The following TRAPPC9 variants were observed in gnomAD, a reference collection of about 807,000 sequenced individuals.
The protein encoded by TRAPPC9 is IKK2 binding protein.
TRAPPC9 carries 83 observed loss-of-function variants against 124.0 expected under a neutral mutation model. That is an observed-to-expected ratio of 0.67 (90% confidence interval 0.56 to 0.80). TRAPPC9 has a LOEUF of 0.80. TRAPPC9 is among the 30% of genes least tolerant of loss of function. The pLI is 0.00. For missense variants in TRAPPC9, 1,302 were observed against 1,508.3 expected (o/e 0.86, Z 2.27); for synonymous variants, 638 against 617.5 (o/e 1.03, Z -0.49).
intron 11 of TRAPPC9, among the ~76,000 whole-genome samples, chr8:140,292,857 T>A (rs2065700074): frequency 2.1e-5 from 3 of 143,628 alleles, no homozygotes; most frequent in African/African-American, 5.4e-5. Context: ...AAGACAAAAT[T>A]GACAAATGGG....
At chr8:139,764,906 C>T (rs1820487451) in intron 21 of TRAPPC9, among the ~76,000 whole-genome samples, 1 of 152,206 alleles carries the variant, frequency 6.6e-6, no homozygotes, top group Non-Finnish European at 1.5e-5. Flanking sequence ...GTTCTCGTCC[C>T]AGAACCGCAC....
intron 21 of TRAPPC9, among the ~76,000 whole-genome samples, chr8:139,790,697 G>T (rs80275972): frequency 1.3e-5 from 2 of 152,298 alleles, no homozygotes; most frequent in Non-Finnish European, 2.9e-5. Flanking sequence ...GGCACAGGAT[G>T]ATGGGCCCCA....
chr8:140,150,725 G>A (rs983513369), intron 17 of TRAPPC9, among the ~76,000 whole-genome samples: 1 of 152,182 alleles, frequency 6.6e-6, no homozygotes, highest in Non-Finnish European at 1.5e-5. Flanking sequence ...GGGAGAAGAT[G>A]AACCTAGGAA....
At chr8:140,430,424 G>C (rs2070597549) in intron 4 of TRAPPC9, among the ~76,000 whole-genome samples, 1 of 152,130 alleles carries the variant, frequency 6.6e-6, no homozygotes, top group Non-Finnish European at 1.5e-5. Context: ...TGTAAGATGA[G>C]TTTGGGAGAC....
At chr8:139,892,250 T>C (rs1830400143) in intron 20 of TRAPPC9, among the ~76,000 whole-genome samples, 1 of 152,104 alleles carries the variant, frequency 6.6e-6, no homozygotes, top group Admixed American at 6.5e-5. Context: ...TCTCTCCCCA[T>C]GTAGTACCCA....
chr8:140,149,178 CCATTG>C (rs2061504319), intron 17 of TRAPPC9, among the ~76,000 whole-genome samples: 1 of 152,178 alleles, frequency 6.6e-6, no homozygotes, highest in African/African-American at 2.4e-5. Context: ...TGATCTCGTT[CCATTG>C]CTCTGGTCTA....
chr8:140,188,969 T>C (rs60780874), intron 17 of TRAPPC9, among the ~76,000 whole-genome samples: 13,030 of 148,496 alleles, frequency 0.088, 1,415 homozygotes, highest in African/African-American at 0.26. Flanking sequence ...CCTCCTCCCG[T>C]TGTTTCTAAC....
At chr8:139,868,538 C>T (rs1216911110) in intron 21 of TRAPPC9, among the ~76,000 whole-genome samples, 1 of 152,152 alleles carries the variant, frequency 6.6e-6, no homozygotes, top group Admixed American at 6.5e-5. Context: ...AGGCCACTAG[C>T]TCATCATTAT....
At chr8:140,450,024 TAA>T (rs1186196374) in intron 2 of TRAPPC9, among the ~76,000 whole-genome samples, 1 of 152,232 alleles carries the variant, frequency 6.6e-6, no homozygotes, top group Non-Finnish European at 1.5e-5. Context: ...CTAAGATATG[TAA>T]AATACTATCA....
intron 12 of TRAPPC9, 62 bp from the exon 13 acceptor site, chr8:140,287,796 A>T: frequency 6.2e-7 from 1 of 1,610,754 alleles, no homozygotes; most frequent in Middle Eastern, 1.7e-4. Context: ...CTCAGTTCCA[A>T]ATGAGCCTTA....
intron 5 of TRAPPC9, among the ~76,000 whole-genome samples, chr8:140,419,623 C>T (rs929667530): frequency 3.3e-5 from 5 of 151,732 alleles, no homozygotes; most frequent in African/African-American, 4.8e-5. Context: ...CGGTGGCTCA[C>T]GCTTGTAATT....
intron 4 of TRAPPC9, among the ~76,000 whole-genome samples, chr8:140,428,574 C>A (rs550137403): frequency 6.6e-6 from 1 of 152,246 alleles, no homozygotes; most frequent in South Asian, 2.1e-4. Flanking sequence ...ATCACCCCTG[C>A]CTGTAAAATG....
intron 18 of TRAPPC9, among the ~76,000 whole-genome samples, chr8:140,018,324 A>ATTTTTTCTTTTTTCTTTTTT (rs765656679): frequency 3.8e-4 from 46 of 119,774 alleles, no homozygotes; most frequent in African/African-American, 1.3e-3. Context: ...AACGTAAGTG[A>ATTTTTTCTTTTTTCTTTTTT]TTTTTTTTTT....
Position 140,287,749 on chromosome 8 carries a change from G to A in TRAPPC9, c.1855-15C>T, listed in dbSNP as rs755804554. 7.9e-5 allele frequency: 128 copies of A among 1,613,910 alleles called. No homozygotes were observed. The highest frequency in any genetic ancestry group is 1.2e-4 in the African/African-American group (9 of 74,924). On this transcript the variant is annotated splice_polypyrimidine_tract_variant and intron_variant, in intron 12 of 22. Coordinates refer to ENST00000438773, the MANE Select transcript of TRAPPC9 (RefSeq NM_001160372.4). ...GTGAGCAGCCCCTAAACCAAGCGAC[G>A]CAGCATCGTAAGCCCGGAGCAAACC...
chr8:140,182,651 T>C lies in TRAPPC9; in HGVS notation c.2556+38808A>G, dbSNP rs2062229692. On this transcript the variant is annotated intron_variant, in intron 17 of 22. Coordinates refer to ENST00000438773, the MANE Select transcript of TRAPPC9 (RefSeq NM_001160372.4). This position sits in a 1 kb window ranked among gnomAD's most constrained non-coding sequence, Gnocchi z 4.0. ...CATTTCATTCTCCAATAAAGAATAT[T>C]AGGAGCTGGCAGAACAAATCTTTGT... Among the ~76,000 whole-genome samples, 1 of 152,172 alleles carries C rather than the reference T, an allele frequency of 6.6e-6. No individual in the cohort carries two copies. The highest frequency in any genetic ancestry group is 2.4e-5 in the African/African-American group (1 of 41,436).
At chr8:140,072,613 GGA>G (rs1252531068) in intron 17 of TRAPPC9, among the ~76,000 whole-genome samples, 8 of 150,746 alleles carry the variant, frequency 5.3e-5, no homozygotes, top group African/African-American at 2.0e-4. Context: ...AGGAGGAGGA[GGA>G]GGAGGAGGAG....
intron 14 of TRAPPC9, among the ~76,000 whole-genome samples, chr8:140,276,480 G>C (rs1357204372): frequency 5.9e-5 from 9 of 152,188 alleles, no homozygotes. Flanking sequence ...AGCCAAGCCA[G>C]ATGAACGTGC....
chr8:139,767,671 A>G (rs1237911864), intron 21 of TRAPPC9, among the ~76,000 whole-genome samples: 2 of 152,232 alleles, frequency 1.3e-5, no homozygotes, highest in Non-Finnish European at 2.9e-5. Flanking sequence ...TTCTGCACAG[A>G]GAAGTGGAAA....
At chr8:140,108,025 A>G (rs760356691) in intron 17 of TRAPPC9, among the ~76,000 whole-genome samples, 1 of 150,726 alleles carries the variant, frequency 6.6e-6, no homozygotes, top group Non-Finnish European at 1.5e-5. Context: ...ATATGAGGAT[A>G]CGTGTGTTTA....
Sources: gnomAD v4.1 joint callset for allele counts (sites outside exome capture counted in the v4.1 genomes callset) on GRCh38, gnomAD v4.1.1 for gene constraint, Gnocchi (gnomAD v3.1) non-coding constraint, MANE v1.5 for transcripts, NCBI Gene and HGNC (gene_info 2026-07-23, HGNC 2026-07-21) for gene names.